SLC25A37: variants seen among roughly 807,000 people sequenced by gnomAD.
The protein encoded by SLC25A37 is mitoferrin-1.
In SLC25A37, 17 loss-of-function variants were observed where a neutral mutation model predicts 31.0. The ratio of observed to expected loss-of-function variants is 0.55; its 90% CI spans 0.38 to 0.82. SLC25A37 has a LOEUF of 0.82. Ranked by LOEUF, SLC25A37 falls within the 40% of genes least tolerant of loss-of-function variation. SLC25A37 has a pLI of 0.00. For synonymous variants in SLC25A37, 222 were observed against 193.0 expected, an observed-to-expected ratio of 1.15 and a Z score of -1.24; for missense variants, 404 against 465.8, an observed-to-expected ratio of 0.87 and a Z score of 1.22.
rs760869962 is a variant in SLC25A37 at position 23,573,829 on chromosome 8, C to A, written c.*1974C>A. The A allele has an allele frequency of 1.8e-5, 8 of 456,644 alleles. No homozygotes were observed. The highest frequency in any genetic ancestry group is 7.0e-5 in the Admixed American group (3 of 42,570). The allele number at this position is 456,644 out of a possible 1,614,324, so 28.3% of individuals were successfully genotyped here. ...AACGCCTTCTCCCTGCTCTGCCCCC[C>A]ACTCCCCAAAACCAGTTGCAGCCTC... On this transcript the variant is annotated 3_prime_UTR_variant, in exon 4 of 4. Transcript: ENST00000519973.
intron 1 of SLC25A37, among the ~76,000 whole-genome samples, chr8:23,546,636 T>TATATATC (rs757433392): frequency 7.0e-6 from 1 of 143,636 alleles, no homozygotes; most frequent in African/African-American, 2.6e-5. Flanking sequence ...ATATATATAT[T>TATATATC]TGGGCCAGGA....
At chr8:23,544,794 C>A (rs553307287) in intron 1 of SLC25A37, among the ~76,000 whole-genome samples, 70 of 152,276 alleles carry the variant, frequency 4.6e-4, no homozygotes, top group African/African-American at 1.6e-3. Context: ...CTGCTCTGAG[C>A]TGAGAAAGTG....
At chr8:23,566,009 C>T in intron 1 of SLC25A37, 99 bp from the exon 2 acceptor site, 1 of 1,427,538 alleles carries the variant, frequency 7.0e-7, no homozygotes, top group Non-Finnish European at 9.2e-7. Flanking sequence ...GAAACTATGA[C>T]ATTGTTTTTC....
At chr8:23,547,646 C>A (rs2117412366) in intron 1 of SLC25A37, among the ~76,000 whole-genome samples, 1 of 152,294 alleles carries the variant, frequency 6.6e-6, no homozygotes, top group Non-Finnish European at 1.5e-5. Context: ...CTAGGAAGAC[C>A]CTGCTGTGGA....
chr8:23,558,613 C>G (rs866048996), intron 1 of SLC25A37, among the ~76,000 whole-genome samples: 8 of 152,296 alleles, frequency 5.3e-5, no homozygotes, highest in African/African-American at 1.9e-4. Context: ...AGGGGCTGAC[C>G]CTTCACTTTG....
chr8:23,573,266 T>C lies in SLC25A37; in HGVS notation c.*1411T>C, dbSNP rs1331566443. The C allele has an allele frequency of 6.5e-6, 1 of 153,180 alleles. No individual in the cohort carries two copies. Among genetic ancestry groups the C allele is most frequent in the Non-Finnish European group, 1.5e-5 (1 of 68,658 alleles). The allele number at this position is 153,180 out of a possible 1,614,324, so 9.5% of individuals were successfully genotyped here. A position where few individuals can be genotyped will look rare whatever the true frequency, so the allele number is the denominator to read the frequency against. On this transcript the variant is annotated 3_prime_UTR_variant, in exon 4 of 4. Transcript: ENST00000519973. ...CTCTGCGTCACCCGAGAACACAGGCTTCGCAGCCTCGCTTTCTGAAATGGT... is the reference window on the plus strand; with the variant it reads ...CTCTGCGTCACCCGAGAACACAGGCCTCGCAGCCTCGCTTTCTGAAATGGT...
rs59804560 is a variant in SLC25A37, at chr8:23,571,935, A to ATTT, written c.*88_*90dup. 1,469 of 1,321,584 alleles carry ATTT rather than the reference A, an allele frequency of 1.1e-3. No homozygotes were observed. The highest frequency in any genetic ancestry group is 3.8e-3 in the East Asian group (151 of 39,618). 81.9% of individuals were successfully genotyped at this position (1,321,584 alleles called of 1,614,324 possible). A position where few individuals can be genotyped will look rare whatever the true frequency, so the allele number is the denominator to read the frequency against. On this transcript the variant is annotated 3_prime_UTR_variant, in exon 4 of 4. Coordinates refer to ENST00000519973, the MANE Select transcript of SLC25A37 (RefSeq NM_016612.4). ...CTTGCCCTCTCCTCACACGTAGATC[A>ATTT]TTTTTTTTTTGCAGGGTGCTGCCTA...
intron 2 of SLC25A37, chr8:23,567,977 A>G (rs944437734): frequency 3.2e-5 from 12 of 374,048 alleles, no homozygotes; most frequent in Admixed American, 1.8e-4. Context: ...GGCGAGGGAC[A>G]AGAGAGAGTT....
At chr8:23,553,407 T>G (rs1802279855) in intron 1 of SLC25A37, among the ~76,000 whole-genome samples, 1 of 151,240 alleles carries the variant, frequency 6.6e-6, no homozygotes, top group Admixed American at 6.6e-5. Context: ...GGCAACAGAG[T>G]GAGACTCCGT....
At position 23,529,269 on chromosome 8, in the gene SLC25A37, A is replaced by C; in HGVS notation, c.210+57A>C. ...GAGCGGAGAAGGAGCGCGCGCGCGC[A>C]TTTGCATCCCGCGCGCCGGCAGCCT... is the stretch of plus-strand genomic sequence containing the variant. On this transcript the variant is annotated intron_variant, in intron 1 of 3. Coordinates refer to ENST00000519973, the MANE Select transcript of SLC25A37 (RefSeq NM_016612.4). This position sits in a 1 kb window ranked among gnomAD's most constrained non-coding sequence, Gnocchi z 4.1. 3 of 1,500,762 alleles carry C rather than the reference A, an allele frequency of 2.0e-6. No homozygotes were observed. Among genetic ancestry groups the C allele is most frequent in the Non-Finnish European group, 2.7e-6 (3 of 1,112,302 alleles). The allele number at this position is 1,500,762 out of a possible 1,614,324, so 93.0% of individuals were successfully genotyped here. A position where few individuals can be genotyped will look rare whatever the true frequency, so the allele number is the denominator to read the frequency against.
chr8:23,566,714 T>C, intron 2 of SLC25A37: 1 of 985,116 alleles, frequency 1.0e-6, no homozygotes, highest in Non-Finnish European at 1.2e-6. Context: ...AATGCTGGAT[T>C]CAAAAAAAAA....
chr8:23,566,173 G>A lies in SLC25A37; in HGVS notation c.276G>A (p.Lys92=). The change falls in exon 2 of 4, where the codon AAG becomes AAA. Residue 92 remains lysine, a synonymous_variant. Transcript: ENST00000519973. Reference sequence around the variant, plus strand: ...ACACAAGTATCTACGGAGCCCTCAAGAAAATCATGCGGACCGAAGGCTTCT... The same window carrying A: ...ACACAAGTATCTACGGAGCCCTCAAAAAAATCATGCGGACCGAAGGCTTCT... ...AQYTSIYGAL[K]KIMRTEGFWR... is the part of the protein sequence containing the mutation. 1 of 1,606,464 alleles carries A rather than the reference G, an allele frequency of 6.2e-7. No individual in the cohort carries two copies. Among genetic ancestry groups the A allele is most frequent in the Non-Finnish European group, 8.5e-7 (1 of 1,177,370 alleles).
At chr8:23,543,621 A>G (rs1037150631) in intron 1 of SLC25A37, among the ~76,000 whole-genome samples, 1 of 152,088 alleles carries the variant, frequency 6.6e-6, no homozygotes, top group Non-Finnish European at 1.5e-5. Flanking sequence ...CTGTAATCCC[A>G]TCTCCTGGCT....
chr8:23,535,063 CT>C (rs1179176263), intron 1 of SLC25A37, among the ~76,000 whole-genome samples: 2 of 152,168 alleles, frequency 1.3e-5, no homozygotes, highest in Non-Finnish European at 2.9e-5. Flanking sequence ...AACTCAGAAT[CT>C]TCCTGAGATC....
chr8:23,532,768 G>A (rs1801687784), intron 1 of SLC25A37, among the ~76,000 whole-genome samples: 1 of 152,208 alleles, frequency 6.6e-6, no homozygotes, highest in African/African-American at 2.4e-5. Flanking sequence ...CAGCCAGCCT[G>A]CCCAGCTCAG....
In SLC25A37 at chr8:23,566,100, G is replaced by T; in HGVS notation, c.211-8G>T. On this transcript the variant is annotated splice_polypyrimidine_tract_variant and splice_region_variant and intron_variant, in intron 1 of 3. Coordinates refer to ENST00000519973, the MANE Select transcript of SLC25A37 (RefSeq NM_016612.4). ...TTTTGTTTGTTTTCTCTTCTTGCCC[G>T]CTCCCAGACACGAATGCAGAGTTTG... 1.9e-6 allele frequency: 3 copies of T among 1,564,522 alleles called. No homozygotes were observed. Among genetic ancestry groups the T allele is most frequent in the Non-Finnish European group, 2.6e-6 (3 of 1,164,076 alleles).
chr8:23,538,547 T>TG (rs1563251552), intron 1 of SLC25A37, among the ~76,000 whole-genome samples: 12,702 of 145,406 alleles, frequency 0.087, 1,501 homozygotes, highest in African/African-American at 0.28. Context: ...GTGTGTGTGT[T>TG]TGTGTGTGTG....
rs1284031171 is a variant in SLC25A37 at position 23,529,835 on chromosome 8, C to T, written c.210+623C>T. ...TTCTGAGGGTTCCTGCACTTCTTCC[C>T]CCGACTTTGGGTCGCCGAGCCGCCG... is the stretch of plus-strand genomic sequence containing the variant. On this transcript the variant is annotated intron_variant, in intron 1 of 3. Transcript: ENST00000519973. The surrounding 1 kb of genome is among the most constrained non-coding windows in gnomAD (Gnocchi z 4.1). 6.6e-6 allele frequency among the ~76,000 whole-genome samples: 1 copy of T among 152,150 alleles called. No homozygotes were observed. The highest frequency in any genetic ancestry group is 1.5e-5 in the Non-Finnish European group (1 of 68,048).
chr8:23,550,849 G>A (rs145573949), intron 1 of SLC25A37, among the ~76,000 whole-genome samples: 1 of 152,344 alleles, frequency 6.6e-6, no homozygotes, highest in African/African-American at 2.4e-5. Context: ...GCACCCACGG[G>A]CTGGCGGGAG....
Sources: gnomAD v4.1 joint callset for allele counts (sites outside exome capture counted in the v4.1 genomes callset) on GRCh38, gnomAD v4.1.1 for gene constraint, Gnocchi (gnomAD v3.1) non-coding constraint, MANE v1.5 for transcripts, NCBI Gene and HGNC (gene_info 2026-07-23, HGNC 2026-07-21) for gene names.